CDH13: variants seen among roughly 807,000 people sequenced by gnomAD.
The protein encoded by CDH13 is cadherin-13.
CDH13 carries 24 observed loss-of-function variants against 63.8 expected under a neutral mutation model. That is an observed-to-expected ratio of 0.38 (90% CI 0.27 to 0.53). CDH13 has a LOEUF of 0.53. Ranked by LOEUF, CDH13 falls within the 20% of genes least tolerant of loss-of-function variation. The pLI is 0.85. For missense variants in CDH13, 1,049 were observed against 903.1 expected, an observed-to-expected ratio of 1.16 and a Z score of -2.07; for synonymous variants, 503 against 355.3, an observed-to-expected ratio of 1.42 and a Z score of -4.67.
chr16:83,010,782 C>T (rs1269040815), intron 2 of CDH13, among the ~76,000 whole-genome samples: 1 of 152,156 alleles, frequency 6.6e-6, no homozygotes, highest in Non-Finnish European at 1.5e-5. Flanking sequence ...AAACATCCTG[C>T]GGGGACATCT....
At chr16:82,700,286 C>G (rs2030824316) in intron 1 of CDH13, among the ~76,000 whole-genome samples, 1 of 152,124 alleles carries the variant, frequency 6.6e-6, no homozygotes, top group Admixed American at 6.5e-5. Flanking sequence ...ACCTGGGAAC[C>G]CTTTTGTTCA....
intron 1 of CDH13, among the ~76,000 whole-genome samples, chr16:82,631,855 AC>A (rs1195100165): frequency 6.6e-6 from 1 of 151,968 alleles, no homozygotes; most frequent in African/African-American, 2.4e-5. Flanking sequence ...TGAATGTGTC[AC>A]CCTCTGGCTT....
intron 8 of CDH13, among the ~76,000 whole-genome samples, chr16:83,635,236 C>G (rs185857124): frequency 1.3e-5 from 2 of 149,982 alleles, no homozygotes; most frequent in African/African-American, 4.9e-5. Flanking sequence ...TCAGTGTTCT[C>G]TTTGGTGAAA....
chr16:83,498,163 T>A (rs1425888083), intron 7 of CDH13, among the ~76,000 whole-genome samples: 1 of 152,124 alleles, frequency 6.6e-6, no homozygotes, highest in African/African-American at 2.4e-5. Flanking sequence ...AGAGCCCTGA[T>A]AGGTGAGAGG....
chr16:83,671,547 C>T (rs761063974), intron 9 of CDH13, among the ~76,000 whole-genome samples: 2 of 152,112 alleles, frequency 1.3e-5, no homozygotes, highest in African/African-American at 4.8e-5. Flanking sequence ...CCATGCCTGG[C>T]CCAAACTTAA....
intron 1 of CDH13, among the ~76,000 whole-genome samples, chr16:82,710,846 T>C (rs1384205918): frequency 6.6e-6 from 1 of 150,984 alleles, no homozygotes; most frequent in Non-Finnish European, 1.5e-5. Context: ...TATACATAAA[T>C]GTGTACACAT....
chr16:82,998,554 T>C (rs1271864936), intron 2 of CDH13, among the ~76,000 whole-genome samples: 1 of 152,194 alleles, frequency 6.6e-6, no homozygotes, highest in Non-Finnish European at 1.5e-5. Flanking sequence ...TGACTTCATC[T>C]GTCCTCACCT....
intron 4 of CDH13, among the ~76,000 whole-genome samples, chr16:83,126,815 A>G (rs1283380763): frequency 1.3e-5 from 2 of 152,176 alleles, no homozygotes; most frequent in Non-Finnish European, 2.9e-5. Flanking sequence ...GATATGCTGG[A>G]CTCCAAGCTT....
intron 2 of CDH13, among the ~76,000 whole-genome samples, chr16:83,014,853 T>TA (rs1914595013): frequency 5.5e-5 from 7 of 127,764 alleles, no homozygotes; most frequent in South Asian, 2.5e-4. Context: ...TATATATATA[T>TA]TTGTATATAT....
intron 2 of CDH13, among the ~76,000 whole-genome samples, chr16:83,007,087 A>AT (rs1266031881): frequency 3.9e-5 from 6 of 151,922 alleles, no homozygotes; most frequent in African/African-American, 1.4e-4. Context: ...CGCCCAGCTA[A>AT]TTTTTTGTAT....
chr16:83,056,031 A>G (rs947516826), intron 3 of CDH13, among the ~76,000 whole-genome samples: 1 of 152,214 alleles, frequency 6.6e-6, no homozygotes, highest in Non-Finnish European at 1.5e-5. Context: ...AACCCAACTA[A>G]CAATGGAGGA....
rs918590593 is a variant in CDH13 at position 83,124,823 on chromosome 16, A to T, written c.367-562A>T. 2.6e-5 allele frequency among the ~76,000 whole-genome samples: 4 copies of T among 152,248 alleles called. No individual in the cohort carries two copies. The East Asian group carries it at 7.7e-4, about 29-fold the overall frequency. ...TATATTTTTGCCGACTTTCTTGAAG[A>T]TCAGTTGGTTGTAGGTATGTGGCTT... On this transcript the variant is annotated intron_variant, in intron 3 of 13. Coordinates refer to ENST00000567109, the MANE Select transcript of CDH13 (RefSeq NM_001257.5).
intron 2 of CDH13, among the ~76,000 whole-genome samples, chr16:82,920,781 G>A (rs755675819): frequency 6.6e-6 from 1 of 152,162 alleles, no homozygotes; most frequent in Non-Finnish European, 1.5e-5. Context: ...GGTTAAGAAT[G>A]GACATCATTG....
intron 8 of CDH13, 68 bp downstream of exon 8, chr16:83,602,662 C>T: frequency 6.7e-7 from 1 of 1,493,316 alleles, no homozygotes; most frequent in Non-Finnish European, 9.3e-7. Context: ...GATGTTAATT[C>T]ACGTACCACA....
chr16:82,789,376 C>G (rs1203251899), intron 1 of CDH13, among the ~76,000 whole-genome samples: 1 of 152,188 alleles, frequency 6.6e-6, no homozygotes, highest in Non-Finnish European at 1.5e-5. Flanking sequence ...CTGATATATG[C>G]TCTTTATATC....
chr16:83,106,614 C>A (rs889620906), intron 3 of CDH13, among the ~76,000 whole-genome samples: 3 of 152,148 alleles, frequency 2.0e-5, no homozygotes, highest in African/African-American at 7.2e-5. Flanking sequence ...CATGTTGATA[C>A]ATCCACAAGA....
intron 1 of CDH13, among the ~76,000 whole-genome samples, chr16:82,791,538 G>C (rs1284249230): frequency 6.6e-6 from 1 of 152,146 alleles, no homozygotes; most frequent in Non-Finnish European, 1.5e-5. Context: ...GTTAAATCTT[G>C]CAAGTGAACA....
At chr16:82,817,829 A>T (rs981539975) in intron 1 of CDH13, among the ~76,000 whole-genome samples, 4 of 152,206 alleles carry the variant, frequency 2.6e-5, no homozygotes, top group African/African-American at 9.6e-5. Context: ...AAAACCACAT[A>T]TAGTTATATA....
At chr16:83,417,381 T>C (rs2071581673) in intron 6 of CDH13, among the ~76,000 whole-genome samples, 1 of 152,172 alleles carries the variant, frequency 6.6e-6, no homozygotes, top group African/African-American at 2.4e-5. Flanking sequence ...GCACCCAGAA[T>C]CTTTCCTCCA....
Sources: gnomAD v4.1 joint callset for allele counts (sites outside exome capture counted in the v4.1 genomes callset) on GRCh38, gnomAD v4.1.1 for gene constraint, MANE v1.5 for transcripts, NCBI Gene and HGNC (gene_info 2026-07-23, HGNC 2026-07-21) for gene names.